SEPTIN5: variants seen among roughly 807,000 people sequenced by gnomAD.
The protein encoded by SEPTIN5 is septin 5.
In SEPTIN5, 16 loss-of-function variants were observed where a neutral mutation model predicts 51.2. The observed-to-expected ratio is 0.31, with a 90% CI of 0.21 to 0.47. The LOEUF is 0.47. Among genes scored for constraint, SEPTIN5 ranks in the 20% least tolerant of loss-of-function variants. The probability of loss-of-function intolerance (pLI) is 0.99; values close to 1 mark genes in which losing one functional copy is unlikely to be tolerated. For synonymous variants in SEPTIN5, 208 were observed against 191.2 expected, an observed-to-expected ratio of 1.09 and a Z score of -0.72; for missense variants, 376 against 500.3, an observed-to-expected ratio of 0.75 and a Z score of 2.37.
chr22:19,718,676 C>A, intron 2 of SEPTIN5: 1 of 1,282,484 alleles, frequency 7.8e-7, no homozygotes, highest in Non-Finnish European at 9.9e-7. Context: ...TGTCGCCGGG[C>A]TCTGGCGGCC....
chr22:19,718,851 G>C (rs1003796250), intron 2 of SEPTIN5: 2 of 1,233,344 alleles, frequency 1.6e-6, no homozygotes, highest in Non-Finnish European at 2.0e-6. Context: ...ACGTGGGTCT[G>C]TGACCCCGCG....
At chr22:19,719,012 A>C in intron 2 of SEPTIN5, 4 of 537,580 alleles carry the variant, frequency 7.4e-6, no homozygotes, top group Non-Finnish European at 1.1e-5. Flanking sequence ...CGCGACTCCA[A>C]AACGCGGCGG....
chr22:19,721,648 G>A lies in SEPTIN5; in HGVS notation c.726G>A (p.Ala242=), dbSNP rs1332466124. 1.9e-6 allele frequency: 3 copies of A among 1,612,768 alleles called. No individual in the cohort carries two copies. The South Asian group carries it at 3.3e-5, about 18-fold the overall frequency. Residue 242 remains alanine, a synonymous_variant, in exon 9 of 12, where the codon GCG becomes GCA. Transcript: ENST00000455784. The stretch of plus-strand genomic sequence containing the variant: ...CTCCCTCCTTCCCCCAGGAGAGCGC[G>A]CCCTTCGCCGTTATAGGCAGCAACA... ...KQQDRELKES[A]PFAVIGSNTV...
chr22:19,721,912 T>C lies in SEPTIN5; in HGVS notation c.905T>C (p.Val302Ala). Reference protein sequence around the residue: ...MHDLKDVTCDVHYENYRAHCI... With the variant: ...MHDLKDVTCDAHYENYRAHCI... ...GACCTCAAGGACGTGACGTGCGACG[T>C]GCACTACGAGAACTACCGCGCGCAC... Residue 302 changes from valine (V) to alanine (A), a missense_variant, in exon 10 of 12, where the codon GTG becomes GCG. By Grantham distance (64) the Val-to-Ala change is moderately conservative. Around this residue, in one of 2 missense-constraint regions of SEPTIN5, gnomAD observed 287 missense variants for 417.1 expected, o/e 0.69. Transcript: ENST00000455784. The C allele has an allele frequency of 6.2e-7, 1 of 1,612,010 alleles. No individual in the cohort carries two copies. The highest frequency in any genetic ancestry group is 8.5e-7 in the Non-Finnish European group (1 of 1,179,546).
intron 2 of SEPTIN5, among the ~76,000 whole-genome samples, chr22:19,715,103 C>A (rs1375276277): frequency 6.6e-6 from 1 of 152,266 alleles, no homozygotes; most frequent in African/African-American, 2.4e-5. Flanking sequence ...AGGCCATGAG[C>A]TGGGGGTCCT....
chr22:19,715,086 G>A (rs1935895115), intron 2 of SEPTIN5, among the ~76,000 whole-genome samples: 1 of 152,256 alleles, frequency 6.6e-6, no homozygotes, highest in African/African-American at 2.4e-5. Flanking sequence ...CTGCTGACCT[G>A]GCCTGTAGGC....
chr22:19,718,348 G>C, intron 2 of SEPTIN5: 1 of 973,508 alleles, frequency 1.0e-6, no homozygotes, highest in Non-Finnish European at 1.2e-6. Context: ...CTTTCGGGTG[G>C]CTCCGCCCGC....
intron 2 of SEPTIN5, chr22:19,719,313 G>A (rs1485213867): frequency 5.5e-6 from 2 of 366,606 alleles, no homozygotes; most frequent in Non-Finnish European, 1.0e-5. Context: ...GGAGGACATC[G>A]CCTGTGCCTG....
intron 2 of SEPTIN5, chr22:19,718,571 G>A (rs897021014): frequency 7.8e-7 from 1 of 1,289,740 alleles, no homozygotes; most frequent in Admixed American, 3.1e-5. Flanking sequence ...CGATCCCCCG[G>A]GTAGGCGACG....
rs747286169 is a variant in SEPTIN5 at position 19,714,770 on chromosome 22, C to G, written c.44-11C>G. The G allele has an allele frequency of 3.8e-6, 6 of 1,594,398 alleles. No homozygotes were observed. The highest frequency in any genetic ancestry group is 5.1e-6 in the Non-Finnish European group (6 of 1,176,360). ...CCGGACCCGGACTCGACCCCGACCC[C>G]GACCCCGCAGAGGACAAGCAGGTAC... On this transcript the variant is annotated splice_polypyrimidine_tract_variant and intron_variant, in intron 1 of 11. Coordinates refer to ENST00000455784, the MANE Select transcript of SEPTIN5 (RefSeq NM_002688.6). This position sits in a 1 kb window ranked among gnomAD's most constrained non-coding sequence, Gnocchi z 5.2.
In SEPTIN5 at chr22:19,719,555, T is replaced by TG. The variant is rs745812155; in HGVS notation, c.55-47_55-46insG. On this transcript the variant is annotated intron_variant, in intron 2 of 11. Coordinates refer to ENST00000455784, the MANE Select transcript of SEPTIN5 (RefSeq NM_002688.6). ...TTTGGTAAGAGACAGGGTATTGGGC[T>TG]TCTGGAGAAACCTTTGTGTCCCTAC... The TG allele has an allele frequency of 1.5e-5, 22 of 1,500,574 alleles. No individual in the cohort carries two copies. In the Admixed American group the frequency reaches 3.8e-4, roughly 26 times the overall value. 93.0% of individuals were successfully genotyped at this position (1,500,574 alleles called of 1,614,324 possible). A position where few individuals can be genotyped will look rare whatever the true frequency, so the allele number is the denominator to read the frequency against.
Position 19,720,582 on chromosome 22 carries a change from A to G in SEPTIN5, c.531A>G (p.Ala177=), listed in dbSNP as rs780985759. Residue 177 remains alanine (A), a synonymous_variant, in exon 7 of 12, where the codon GCA becomes GCG. Coordinates refer to ENST00000455784, the MANE Select transcript of SEPTIN5 (RefSeq NM_002688.6). ...CAGTGGATGTGGGTTTCATGAAGGC[A>G]TTGCATGAGAAGGTCAACATCGTGC... ...LRPVDVGFMK[A]LHEKVNIVPL... The G allele has an allele frequency of 2.5e-6, 4 of 1,613,024 alleles. No individual in the cohort carries two copies. Among genetic ancestry groups the G allele is most frequent in the Non-Finnish European group, 3.4e-6 (4 of 1,180,006 alleles).
chr22:19,714,561 C>A lies in SEPTIN5; in HGVS notation c.-28C>A. 2 of 1,389,406 alleles carry A rather than the reference C, an allele frequency of 1.4e-6. No individual in the cohort carries two copies. Among genetic ancestry groups the A allele is most frequent in the Non-Finnish European group, 1.9e-6 (2 of 1,072,758 alleles). The allele number at this position is 1,389,406 out of a possible 1,614,324, so 86.1% of individuals were successfully genotyped here. The stretch of plus-strand genomic sequence containing the variant: ...TCGTCGCGCCCCGCCCGCGAGCCCG[C>A]CCCGCACGTCCCCCGCCGGCGGCCA... On this transcript the variant is annotated 5_prime_UTR_variant, in exon 1 of 12. Transcript: ENST00000455784. This position sits in a 1 kb window ranked among gnomAD's most constrained non-coding sequence, Gnocchi z 5.2.
chr22:19,722,507 C>T lies in SEPTIN5; in HGVS notation c.*23C>T. The T allele has an allele frequency of 1.3e-6, 2 of 1,576,710 alleles. No homozygotes were observed. The highest frequency in any genetic ancestry group is 1.7e-6 in the Non-Finnish European group (2 of 1,161,414). ...TGACGCTCGCCGCGGACACACCGTC[C>T]GTCTCCGGGACGCCCTCGCACCCCT... On this transcript the variant is annotated 3_prime_UTR_variant, in exon 12 of 12. Transcript: ENST00000455784.
Position 19,719,712 on chromosome 22 carries a change from G to T in SEPTIN5, c.151+14G>T, listed in dbSNP as rs375355268. 4.6e-4 allele frequency: 741 copies of T among 1,612,398 alleles called. 5 individuals carry two copies. The highest frequency in any genetic ancestry group is 5.6e-4 in the Non-Finnish European group (666 of 1,179,660). ...TCATGGTGGCTGGTGAGTGGGCCAG[G>T]CTCCTCGGGGGAGTGGCTGGGGTCA... On this transcript the variant is annotated intron_variant, in intron 3 of 11. Coordinates refer to ENST00000455784, the MANE Select transcript of SEPTIN5 (RefSeq NM_002688.6).
chr22:19,721,823 G>C lies in SEPTIN5; in HGVS notation c.816G>C (p.Val272=), dbSNP rs755801922. 1 of 1,604,190 alleles carries C rather than the reference G, an allele frequency of 6.2e-7. No homozygotes were observed. Among genetic ancestry groups the C allele is most frequent in the East Asian group, 2.2e-5 (1 of 44,636 alleles). The change falls in exon 10 of 12, where the codon GTG becomes GTC. Residue 272 remains valine (V), a splice_region_variant and synonymous_variant. Coordinates refer to ENST00000455784, the MANE Select transcript of SEPTIN5 (RefSeq NM_002688.6). ...CCACTACCCACCCCCACCCCGCAGT[G>C]GAGAACCAGGCGCATTGCGACTTCG... ...GRLYPWGIVE[V]ENQAHCDFVK...
Position 19,719,693 on chromosome 22 carries a change from T to C in SEPTIN5, c.146T>C (p.Val49Ala), listed in dbSNP as rs1935986285. 1.2e-6 allele frequency: 2 copies of C among 1,612,722 alleles called. No individual in the cohort carries two copies. The highest frequency in any genetic ancestry group is 1.7e-6 in the Non-Finnish European group (2 of 1,179,898). ...VKKGFDFTLMVAGESGLGKST... is the reference protein window; with the variant it reads ...VKKGFDFTLMAAGESGLGKST... ...AAAGGCTTTGACTTCACACTCATGGTGGCTGGTGAGTGGGCCAGGCTCCTC... is the reference window on the plus strand; with the variant it reads ...AAAGGCTTTGACTTCACACTCATGGCGGCTGGTGAGTGGGCCAGGCTCCTC... The change falls in exon 3 of 12, where the codon GTG becomes GCG. Residue 49 changes from valine to alanine, a missense_variant. Coordinates refer to ENST00000455784, the MANE Select transcript of SEPTIN5 (RefSeq NM_002688.6).
In SEPTIN5 at chr22:19,714,558, C is replaced by G; in HGVS notation, c.-31C>G. On this transcript the variant is annotated 5_prime_UTR_variant, in exon 1 of 12. Transcript: ENST00000455784. The surrounding 1 kb of genome is among the most constrained non-coding windows in gnomAD (Gnocchi z 5.2). ...TTGTCGTCGCGCCCCGCCCGCGAGC[C>G]CGCCCCGCACGTCCCCCGCCGGCGG... 1.5e-6 allele frequency: 2 copies of G among 1,375,462 alleles called. No individual in the cohort carries two copies. The highest frequency in any genetic ancestry group is 1.6e-5 in the South Asian group (1 of 62,284). 85.2% of individuals were successfully genotyped at this position (1,375,462 alleles called of 1,614,324 possible). A position where few individuals can be genotyped will look rare whatever the true frequency, so the allele number is the denominator to read the frequency against.
intron 2 of SEPTIN5, chr22:19,718,731 C>G (rs747244051): frequency 8.0e-7 from 1 of 1,243,612 alleles, no homozygotes; most frequent in African/African-American, 1.5e-5. Flanking sequence ...CTGGGGGGGT[C>G]GCCGCGATGG....
Sources: allele counts gnomAD v4.1 joint callset (sites outside exome capture counted in the v4.1 genomes callset), GRCh38; gene constraint gnomAD v4.1.1; regional missense constraint gnomAD v4.1.1; non-coding constraint Gnocchi (gnomAD v3.1); transcripts MANE v1.5; gene names NCBI Gene and HGNC (gene_info 2026-07-23, HGNC 2026-07-21).